The following MTERF4 variants were observed in gnomAD, a reference collection of about 807,000 sequenced individuals.
MTERF4 encodes the protein transcription termination factor 4, mitochondrial.
A neutral mutation model predicts 22.5 loss-of-function variants in MTERF4; 17 were observed. The observed-to-expected ratio is 0.75, with a 90% CI of 0.52 to 1.13. MTERF4 has a LOEUF of 1.13. MTERF4 is among the 50% of genes most tolerant of loss of function. The probability of loss-of-function intolerance (pLI) is 0.00; values close to 1 mark genes in which losing one functional copy is unlikely to be tolerated. For synonymous variants in MTERF4, 165 were observed against 175.3 expected (o/e 0.94, Z 0.47); for missense variants, 420 against 466.8 (o/e 0.90, Z 0.92).
chr2:241,042,684 A>T, the MTERF4 span, among the ~76,000 whole-genome samples: 2 of 152,260 alleles, frequency 1.3e-5, no homozygotes, highest in Non-Finnish European at 2.9e-5. Flanking sequence ...AGGTATTTTT[A>T]AAAACTTGTA....
In MTERF4 at chr2:241,099,937, C is replaced by T. The variant is rs79708227; in HGVS notation, c.22-43G>A. The T allele has an allele frequency of 1.2e-3, 1,954 of 1,592,300 alleles. 23 individuals are homozygous for T. In the African/African-American group the frequency reaches 0.023, roughly 18 times the overall value. ...AAAAGACAATTAATTCCTCACTATT[C>T]CAGTGTAATGGACACCATAAGACTT... is the stretch of plus-strand genomic sequence containing the variant. On this transcript the variant is annotated intron_variant, in intron 1 of 3. Coordinates refer to ENST00000391980, the MANE Select transcript of MTERF4 (RefSeq NM_182501.4).
At chr2:241,042,831 C>G in the MTERF4 span, among the ~76,000 whole-genome samples, 1 of 152,180 alleles carries the variant, frequency 6.6e-6, no homozygotes, top group South Asian at 2.1e-4. Flanking sequence ...GAGAATAAGA[C>G]TAAAAGAAAA....
At chr2:241,049,773 AT>A in the MTERF4 span, 1 of 1,488,510 alleles carries the variant, frequency 6.7e-7, no homozygotes, top group Non-Finnish European at 9.4e-7. Context: ...GCCCGCACAG[AT>A]GCGGCGTAAG....
At chr2:241,059,430 T>C in the MTERF4 span, among the ~76,000 whole-genome samples, 5 of 152,224 alleles carry the variant, frequency 3.3e-5, no homozygotes, top group Non-Finnish European at 7.3e-5. Flanking sequence ...ACCCAACTTA[T>C]TTGATAACTT....
chr2:241,045,254 G>A, the MTERF4 span, among the ~76,000 whole-genome samples: 2 of 152,320 alleles, frequency 1.3e-5, no homozygotes, highest in African/African-American at 4.8e-5. Flanking sequence ...GATTTAACAT[G>A]ATTCCAACAG....
rs541049674 is a variant in MTERF4 at position 241,099,202 on chromosome 2, G to A, written c.520+194C>T. On this transcript the variant is annotated intron_variant, in intron 2 of 3. Transcript: ENST00000391980. ...CGATTTTCATGCCTCAGCCTCCCAAGTAGCTGGAATTACAGGTGCGTGCCA... is the reference window on the plus strand; with the variant it reads ...CGATTTTCATGCCTCAGCCTCCCAAATAGCTGGAATTACAGGTGCGTGCCA... 1.7e-5 allele frequency: 10 copies of A among 589,238 alleles called. No individual in the cohort carries two copies. The East Asian group carries it at 3.1e-4, about 18-fold the overall frequency. The allele number at this position is 589,238 out of a possible 1,614,324, so 36.5% of individuals were successfully genotyped here. A position where few individuals can be genotyped will look rare whatever the true frequency, so the allele number is the denominator to read the frequency against.
At chr2:241,079,645 T>G (rs1298540043) in intron 4 of MTERF4, among the ~76,000 whole-genome samples, 1 of 151,934 alleles carries the variant, frequency 6.6e-6, no homozygotes, top group Non-Finnish European at 1.5e-5. Flanking sequence ...AAAAAAAAGG[T>G]TTTAAAAACA....
At chr2:241,056,764 G>A in the MTERF4 span, among the ~76,000 whole-genome samples, 1 of 151,258 alleles carries the variant, frequency 6.6e-6, no homozygotes, top group Non-Finnish European at 1.5e-5. Context: ...TTTATATTTA[G>A]TAGAGACAGG....
At chr2:241,081,525 G>A (rs372576749) in intron 4 of MTERF4, among the ~76,000 whole-genome samples, 1 of 152,218 alleles carries the variant, frequency 6.6e-6, no homozygotes, top group African/African-American at 2.4e-5. Context: ...ACGCTCTAGG[G>A]CCCAGAGGCG....
chr2:241,086,836 A>G (rs2063607346), downstream of MTERF4, among the ~76,000 whole-genome samples: 1 of 152,250 alleles, frequency 6.6e-6, no homozygotes, highest in Non-Finnish European at 1.5e-5. Context: ...ACAAACTTGT[A>G]AGAGAGATGG....
downstream of MTERF4, chr2:241,071,803 G>C: frequency 6.3e-7 from 1 of 1,597,166 alleles, no homozygotes; most frequent in Non-Finnish European, 8.5e-7. Flanking sequence ...CAGGTTCTCG[G>C]AGCTTGTGGA....
downstream of MTERF4, chr2:241,071,478 G>C (rs1366083416): frequency 7.1e-7 from 1 of 1,408,554 alleles, no homozygotes; most frequent in South Asian, 1.2e-5. Flanking sequence ...CCTTCTCCAA[G>C]CACGGCTGAG....
chr2:241,073,030 G>T lies in MTERF4; in HGVS notation n.3132C>A. ...TGGTGGCTGTCCCTGAAGCAGCTCT[G>T]AGGGGGCCCTGCAAGGGGAAGGCCG... On this transcript the variant is annotated non_coding_transcript_exon_variant, in exon 5 of 5. Coordinates refer to the MTERF4 transcript ENST00000464344. The surrounding 1 kb of genome is among the most constrained non-coding windows in gnomAD (Gnocchi z 6.6). The T allele has an allele frequency of 1.9e-6, 1 of 533,224 alleles. No individual in the cohort carries two copies. The highest frequency in any genetic ancestry group is 3.0e-5 in the South Asian group (1 of 33,892). The allele number at this position is 533,224 out of a possible 1,614,324, so 33.0% of individuals were successfully genotyped here.
chr2:241,077,027 T>C (rs1438781193), intron 4 of MTERF4, among the ~76,000 whole-genome samples: 2 of 148,854 alleles, frequency 1.3e-5, no homozygotes, highest in East Asian at 2.0e-4. Context: ...TGCAGTGAGC[T>C]GAGATTGCGC....
At chr2:241,081,925 C>T (rs1029946928) in intron 4 of MTERF4, 2 of 696,646 alleles carry the variant, frequency 2.9e-6, no homozygotes, top group South Asian at 3.5e-5. Flanking sequence ...GTCTGGTGCA[C>T]GGGGCTGACC....
the MTERF4 span, among the ~76,000 whole-genome samples, chr2:241,050,830 G>T: frequency 3.9e-5 from 6 of 152,066 alleles, no homozygotes; most frequent in African/African-American, 1.5e-4. Flanking sequence ...TGTACCCAAG[G>T]TGGGGGTCCT....
intron 4 of MTERF4, among the ~76,000 whole-genome samples, chr2:241,080,684 A>G (rs1028956919): frequency 3.3e-5 from 5 of 152,386 alleles, no homozygotes; most frequent in South Asian, 4.1e-4. Context: ...ACTGACAGCA[A>G]TGGACGGAAG....
chr2:241,053,369 CCCT>C, the MTERF4 span: 2 of 1,511,726 alleles, frequency 1.3e-6, no homozygotes, highest in African/African-American at 1.4e-5. Flanking sequence ...GGGGCCCACA[CCCT>C]CCTCATCCTG....
At position 241,078,254 on chromosome 2, in the gene MTERF4, G is replaced by A. The variant is rs567015390; in HGVS notation, n.480-2572C>T. ...AAAAATTAGCTGGGCGTGGTGGCGG[G>A]CGCCTGTAGTCCCAGCTCCTCAGGA... On this transcript the variant is annotated intron_variant and non_coding_transcript_variant, in intron 4 of 4. Coordinates refer to the MTERF4 transcript ENST00000464344. 7.1e-4 allele frequency among the ~76,000 whole-genome samples: 108 copies of A among 151,696 alleles called. 2 individuals carry two copies. In the East Asian group the frequency reaches 0.015, roughly 21 times the overall value.
Sources: gnomAD v4.1 joint callset for allele counts (sites outside exome capture counted in the v4.1 genomes callset) on GRCh38, gnomAD v4.1.1 for gene constraint, Gnocchi (gnomAD v3.1) non-coding constraint, MANE v1.5 for transcripts, NCBI Gene and HGNC (gene_info 2026-07-23, HGNC 2026-07-21) for gene names.